The following TTLL5 variants were observed in gnomAD, a reference collection of about 807,000 sequenced individuals.
TTLL5 encodes the protein tubulin polyglutamylase TTLL5.
A neutral mutation model predicts 168.4 loss-of-function variants in TTLL5; 132 were observed. The ratio of observed to expected loss-of-function variants is 0.78; its 90% CI spans 0.68 to 0.91. The LOEUF (loss-of-function observed/expected upper bound fraction) is 0.91, where lower values mean the gene tolerates loss of function less well. Among genes scored for constraint, TTLL5 ranks in the 40% least tolerant of loss-of-function variants. The pLI is 0.00. For missense variants in TTLL5, 1,545 were observed against 1,581.5 expected (o/e 0.98, Z 0.39); for synonymous variants, 546 against 558.6 (o/e 0.98, Z 0.32).
chr14:75,903,951 A>G (rs1028762294), intron 31 of TTLL5: 9 of 311,912 alleles, frequency 2.9e-5, no homozygotes, highest in African/African-American at 1.8e-4. Flanking sequence ...GGATAATTAT[A>G]TGTATCTCAT....
At chr14:75,720,023 G>C (rs118051265) in intron 11 of TTLL5, among the ~76,000 whole-genome samples, 197 bp downstream of exon 11, 1,886 of 152,214 alleles carry the variant, frequency 0.012, 15 homozygotes, top group South Asian at 0.025. Flanking sequence ...TCTTGTTTCG[G>C]GTCTGAAAGA....
intron 27 of TTLL5, among the ~76,000 whole-genome samples, chr14:75,801,451 C>G (rs1162664694): frequency 6.6e-6 from 1 of 152,138 alleles, no homozygotes; most frequent in African/African-American, 2.4e-5. Flanking sequence ...AAGCATTTAT[C>G]CTTTCTTTGT....
rs745316288 is a variant in TTLL5 at position 75,775,612 on chromosome 14, T to C, written c.2265T>C (p.Phe755=). 2.5e-6 allele frequency: 4 copies of C among 1,614,098 alleles called. No individual in the cohort carries two copies. In the South Asian group the frequency reaches 4.4e-5, roughly 18 times the overall value. The change falls in exon 22 of 32, where the codon TTT becomes TTC. Residue 755 remains phenylalanine, a synonymous_variant. Coordinates refer to ENST00000298832, the MANE Select transcript of TTLL5 (RefSeq NM_015072.5). ...RRILAHQLGD[F]IIVYNKETEQ... is the part of the protein sequence containing the mutation. ...TCCTGGCCCACCAGCTGGGTGACTT[T>C]ATCATTGTATACAACAAGGTAAGTC...
intron 15 of TTLL5, 51 bp downstream of exon 15, chr14:75,735,340 C>A (rs754700613): frequency 2.2e-5 from 35 of 1,569,208 alleles, no homozygotes; most frequent in Admixed American, 5.0e-5. Flanking sequence ...TGGGAAGTGG[C>A]GGCTGATGTA....
intron 11 of TTLL5, 47 bp downstream of exon 11, chr14:75,719,873 C>A: frequency 1.3e-6 from 2 of 1,553,702 alleles, no homozygotes; most frequent in South Asian, 2.2e-5. Flanking sequence ...CTTTGGATAA[C>A]TTTATCATTG....
intron 24 of TTLL5, among the ~76,000 whole-genome samples, chr14:75,780,108 G>A (rs899120897): frequency 2.6e-5 from 4 of 152,198 alleles, no homozygotes; most frequent in East Asian, 3.9e-4. Context: ...ATTCTTTATC[G>A]TGCAGGGACA....
At chr14:75,822,680 G>T (rs1025004536) in intron 28 of TTLL5, among the ~76,000 whole-genome samples, 3 of 152,148 alleles carry the variant, frequency 2.0e-5, no homozygotes, top group Non-Finnish European at 4.4e-5. Flanking sequence ...TGTTGCTATT[G>T]TTCCCAATTT....
rs74680690 is a variant in TTLL5, at chr14:75,874,801, T to G, written c.3523-7884T>G. 8.3e-3 allele frequency among the ~76,000 whole-genome samples: 1,269 copies of G among 152,162 alleles called. 18 individuals carry two copies. Among genetic ancestry groups the G allele is most frequent in the African/African-American group, 0.029 (1,195 of 41,500 alleles). ...AAAGCAAAGTAAACTGGTAACAACCTGAATGTGTGTGTGTATATATGCGTG... is the reference window on the plus strand; with the variant it reads ...AAAGCAAAGTAAACTGGTAACAACCGGAATGTGTGTGTGTATATATGCGTG... On this transcript the variant is annotated intron_variant, in intron 29 of 31. Coordinates refer to ENST00000298832, the MANE Select transcript of TTLL5 (RefSeq NM_015072.5).
At chr14:75,690,969 C>T (rs906359434) in intron 6 of TTLL5, among the ~76,000 whole-genome samples, 9 of 152,296 alleles carry the variant, frequency 5.9e-5, no homozygotes, top group Middle Eastern at 3.4e-3. Context: ...GCTTCCTTTT[C>T]GGTATCCCTT....
In TTLL5 at chr14:75,900,045, T is replaced by C. The variant is rs1021017203; in HGVS notation, c.3741-2097T>C. 1.6e-4 allele frequency among the ~76,000 whole-genome samples: 25 copies of C among 152,074 alleles called. 1 individual carries two copies. Among genetic ancestry groups the C allele is most frequent in the Admixed American group, 1.4e-3 (21 of 15,274 alleles). ...AAAGCAAGCACAGTGGCTCTAATGG[T>C]TTTTAACTTCTGTAAAGGAAAGAGC... On this transcript the variant is annotated intron_variant, in intron 30 of 31. Coordinates refer to ENST00000298832, the MANE Select transcript of TTLL5 (RefSeq NM_015072.5).
chr14:75,933,935 G>A (rs1273881336), intron 31 of TTLL5, among the ~76,000 whole-genome samples: 11 of 152,196 alleles, frequency 7.2e-5, no homozygotes, highest in Admixed American at 1.3e-4. Flanking sequence ...GCAAGCCAAG[G>A]AAGGAACCAA....
At chr14:75,663,367 G>GT in intron 2 of TTLL5, 144 bp downstream of exon 2, 1 of 820,258 alleles carries the variant, frequency 1.2e-6, no homozygotes, top group Non-Finnish European at 1.9e-6. Context: ...TCTAACTCTG[G>GT]TTTTAGCTTC....
In TTLL5 at chr14:75,764,782, G is replaced by A. The variant is rs1890860943; in HGVS notation, c.1708+10G>A. The A allele has an allele frequency of 1.2e-6, 2 of 1,613,726 alleles. No individual in the cohort carries two copies. The highest frequency in any genetic ancestry group is 2.2e-5 in the South Asian group (2 of 91,058). On this transcript the variant is annotated intron_variant, in intron 19 of 31. Coordinates refer to ENST00000298832, the MANE Select transcript of TTLL5 (RefSeq NM_015072.5). ...AGGCCAAAATACCCAGGTACCTGCT[G>A]GTGAGCTTTCACCAAACTCCCTTAT...
intron 30 of TTLL5, among the ~76,000 whole-genome samples, chr14:75,898,556 C>A (rs2032777548): frequency 6.6e-6 from 1 of 152,178 alleles, no homozygotes. Context: ...ATAGGAGGAT[C>A]ACCTGAGCCC....
At chr14:75,850,299 G>C (rs1025558617) in intron 28 of TTLL5, among the ~76,000 whole-genome samples, 1 of 142,316 alleles carries the variant, frequency 7.0e-6, no homozygotes, top group Non-Finnish European at 1.6e-5. Context: ...CCAGCTACTA[G>C]GGAAGCTGAG....
chr14:75,938,265 T>G (rs1173623332), intron 31 of TTLL5, among the ~76,000 whole-genome samples: 1 of 152,214 alleles, frequency 6.6e-6, no homozygotes, highest in Non-Finnish European at 1.5e-5. Context: ...GAGGTAGAAT[T>G]GAGCAATCAT....
At chr14:75,677,571 A>G (rs1285017756) in intron 3 of TTLL5, among the ~76,000 whole-genome samples, 1 of 150,068 alleles carries the variant, frequency 6.7e-6, no homozygotes, top group Non-Finnish European at 1.5e-5. Context: ...TAAATTTTGT[A>G]TTTTTAGTAG....
chr14:75,867,589 G>T (rs558677413), intron 29 of TTLL5, among the ~76,000 whole-genome samples: 1 of 151,428 alleles, frequency 6.6e-6, no homozygotes, highest in African/African-American at 2.4e-5. Flanking sequence ...GTGAAACCCC[G>T]TCTCTACTAA....
At chr14:75,832,718 C>T (rs1895642285) in intron 28 of TTLL5, among the ~76,000 whole-genome samples, 1 of 152,178 alleles carries the variant, frequency 6.6e-6, no homozygotes, top group Non-Finnish European at 1.5e-5. Flanking sequence ...TGCCGATGTA[C>T]AAAGACTAAT....
Sources: gnomAD v4.1 joint callset for allele counts (sites outside exome capture counted in the v4.1 genomes callset) on GRCh38, gnomAD v4.1.1 for gene constraint, MANE v1.5 for transcripts, NCBI Gene and HGNC (gene_info 2026-07-23, HGNC 2026-07-21) for gene names.